The following SCFD2 variants were observed in gnomAD, a reference collection of about 807,000 sequenced individuals.
SCFD2 encodes the protein sec1 family domain containing 2.
In SCFD2, 54 loss-of-function variants were observed where a neutral mutation model predicts 58.9. The observed-to-expected ratio is 0.92, with a 90% confidence interval of 0.74 to 1.15. SCFD2 has a LOEUF of 1.15. Ranked by LOEUF, SCFD2 falls within the 50% of genes most tolerant of loss-of-function variation. SCFD2 has a pLI of 0.00. For synonymous variants in SCFD2, 321 were observed against 335.9 expected, an observed-to-expected ratio of 0.96 and a Z score of 0.49; for missense variants, 805 against 836.6, an observed-to-expected ratio of 0.96 and a Z score of 0.47.
chr4:53,201,299 T>G (rs1728228638), intron 4 of SCFD2, among the ~76,000 whole-genome samples: 1 of 152,070 alleles, frequency 6.6e-6, no homozygotes, highest in African/African-American at 2.4e-5. Context: ...CTTGCCATAG[T>G]TTGCTGAGAA....
intron 4 of SCFD2, among the ~76,000 whole-genome samples, chr4:53,257,272 G>C (rs1730673556): frequency 6.6e-6 from 1 of 152,190 alleles, no homozygotes; most frequent in Admixed American, 6.5e-5. Flanking sequence ...AGCAGGCTAG[G>C]CCTCCCATGA....
At chr4:52,943,100 T>C (rs1236561501) in intron 5 of SCFD2, among the ~76,000 whole-genome samples, 2 of 152,170 alleles carry the variant, frequency 1.3e-5, no homozygotes, top group African/African-American at 4.8e-5. Context: ...ATGGTATGCC[T>C]GACACAAGAA....
At chr4:53,342,607 C>A (rs1057092755) in intron 2 of SCFD2, among the ~76,000 whole-genome samples, 1 of 152,204 alleles carries the variant, frequency 6.6e-6, no homozygotes, top group African/African-American at 2.4e-5. Context: ...ACCAAGCAGA[C>A]CTAATAGACA....
chr4:53,035,616 A>C (rs147638929), intron 5 of SCFD2, among the ~76,000 whole-genome samples: 4,931 of 152,320 alleles, frequency 0.032, 159 homozygotes, highest in Non-Finnish European at 0.048. Flanking sequence ...AAAGAACTTC[A>C]ACAAATTTAC....
chr4:52,934,598 C>A (rs554781170), intron 5 of SCFD2, among the ~76,000 whole-genome samples: 1 of 152,156 alleles, frequency 6.6e-6, no homozygotes, highest in Admixed American at 6.6e-5. Flanking sequence ...AGAAATGCAC[C>A]TCCAGGGCCT....
chr4:53,050,840 T>A (rs1454499982), intron 5 of SCFD2, among the ~76,000 whole-genome samples: 2 of 152,140 alleles, frequency 1.3e-5, no homozygotes, highest in African/African-American at 4.8e-5. Flanking sequence ...TTCCTCCAAC[T>A]CCCAGTGCCC....
chr4:53,075,643 A>G (rs1723949988), intron 5 of SCFD2, among the ~76,000 whole-genome samples: 1 of 152,150 alleles, frequency 6.6e-6, no homozygotes, highest in Non-Finnish European at 1.5e-5. Flanking sequence ...TGTCCCATGG[A>G]AGAGGAAAGT....
intron 3 of SCFD2, among the ~76,000 whole-genome samples, chr4:53,278,039 G>A (rs1301927415): frequency 6.8e-6 from 1 of 147,036 alleles, no homozygotes; most frequent in Non-Finnish European, 1.5e-5. Flanking sequence ...GGGACAGAAC[G>A]AGACTCCGTC....
chr4:52,995,446 G>A (rs558603052), intron 5 of SCFD2, among the ~76,000 whole-genome samples: 3 of 152,304 alleles, frequency 2.0e-5, no homozygotes, highest in Admixed American at 1.3e-4. Flanking sequence ...CCCAGGAATT[G>A]GGGACCCTTG....
intron 8 of SCFD2, among the ~76,000 whole-genome samples, chr4:52,883,970 C>G (rs1718677427): frequency 6.6e-6 from 1 of 152,160 alleles, no homozygotes; most frequent in East Asian, 1.9e-4. Context: ...TGGAGACCAG[C>G]AGGGACCAGA....
chr4:52,900,097 T>A (rs1020851942), intron 7 of SCFD2, among the ~76,000 whole-genome samples: 1 of 152,174 alleles, frequency 6.6e-6, no homozygotes, highest in East Asian at 1.9e-4. Context: ...GGGTTTGAAC[T>A]TCCTCCTTTA....
At chr4:53,355,236 A>C (rs77453155) in intron 1 of SCFD2, among the ~76,000 whole-genome samples, 8,807 of 152,334 alleles carry the variant, frequency 0.058, 365 homozygotes, top group Non-Finnish European at 0.086. Flanking sequence ...TGAAATGAAC[A>C]GAGATCATTC....
intron 4 of SCFD2, among the ~76,000 whole-genome samples, chr4:53,244,754 C>A (rs1421687306): frequency 6.6e-6 from 1 of 151,168 alleles, no homozygotes; most frequent in Non-Finnish European, 1.5e-5. Context: ...CAGAGCTGCA[C>A]TGAAGGAGAC....
At chr4:53,053,477 T>A (rs1236689923) in intron 5 of SCFD2, among the ~76,000 whole-genome samples, 1 of 152,132 alleles carries the variant, frequency 6.6e-6, no homozygotes, top group Admixed American at 6.5e-5. Flanking sequence ...AGTGATTCTA[T>A]CACAGCCTAT....
chr4:53,275,476 A>G (rs1321119265), intron 3 of SCFD2, among the ~76,000 whole-genome samples: 1 of 152,204 alleles, frequency 6.6e-6, no homozygotes, highest in East Asian at 1.9e-4. Flanking sequence ...TACTCATAGA[A>G]AAAAACCTCA....
chr4:53,190,229 A>AG (rs11400340), intron 4 of SCFD2, among the ~76,000 whole-genome samples: 148,688 of 152,198 alleles, frequency 0.98, 72,736 homozygotes, highest in Middle Eastern at 1. Flanking sequence ...CTACTTGACT[A>AG]CTGAGAAACA....
chr4:53,140,621 C>T (rs1426107792), intron 5 of SCFD2, among the ~76,000 whole-genome samples: 1 of 151,318 alleles, frequency 6.6e-6, no homozygotes, highest in Admixed American at 6.6e-5. Context: ...CTAATACAGA[C>T]AGATTAATAA....
chr4:53,212,388 C>CG lies in SCFD2; in HGVS notation c.1311+61437_1311+61438insC, dbSNP rs1728642397. Among the ~76,000 whole-genome samples the CG allele has an allele frequency of 2.6e-5, 4 of 151,968 alleles. No individual in the cohort carries two copies. In the East Asian group the frequency reaches 7.7e-4, roughly 29 times the overall value. ...ACAATGAAATCAATTACCTAGTCAG[C>CG]AGGTGTTTGTCCATGTCACTTCCCA... On this transcript the variant is annotated intron_variant, in intron 4 of 8. Transcript: ENST00000401642.
intron 5 of SCFD2, among the ~76,000 whole-genome samples, chr4:52,925,825 G>C (rs1006033150): frequency 6.6e-6 from 1 of 152,086 alleles, no homozygotes; most frequent in Non-Finnish European, 1.5e-5. Context: ...CAAACCCCTA[G>C]GGTGCCCTAT....
Sources: gnomAD v4.1 joint callset for allele counts (sites outside exome capture counted in the v4.1 genomes callset) on GRCh38, gnomAD v4.1.1 for gene constraint, MANE v1.5 for transcripts, NCBI Gene and HGNC (gene_info 2026-07-23, HGNC 2026-07-21) for gene names.